The following ATRNL1 variants were observed in gnomAD, a reference collection of about 807,000 sequenced individuals.
The protein encoded by ATRNL1 is attractin-like protein 1.
A neutral mutation model predicts 182.7 loss-of-function variants in ATRNL1; 95 were observed. That is an observed-to-expected ratio of 0.52 (90% CI 0.44 to 0.62). The LOEUF is 0.62. Ranked by LOEUF, ATRNL1 falls within the 20% of genes least tolerant of loss-of-function variation. The pLI is 0.00. For missense variants in ATRNL1, 1,471 were observed against 1,679.5 expected, an observed-to-expected ratio of 0.88 and a Z score of 2.17; for synonymous variants, 576 against 568.3, an observed-to-expected ratio of 1.01 and a Z score of -0.19.
intron 27 of ATRNL1, among the ~76,000 whole-genome samples, chr10:115,797,624 C>T (rs1027317427): frequency 2.0e-5 from 3 of 152,006 alleles, no homozygotes; most frequent in Non-Finnish European, 4.4e-5. Context: ...TATGTGTGCA[C>T]GTGTGTGTAG....
chr10:115,156,292 G>A (rs150299841), intron 5 of ATRNL1, among the ~76,000 whole-genome samples: 19 of 152,244 alleles, frequency 1.2e-4, no homozygotes, highest in African/African-American at 4.3e-4. Flanking sequence ...ACTTAAGAAT[G>A]GCACCAAAGT....
chr10:115,270,150 C>T (rs1344050676), intron 13 of ATRNL1, among the ~76,000 whole-genome samples: 2 of 149,748 alleles, frequency 1.3e-5, no homozygotes, highest in African/African-American at 2.4e-5. Flanking sequence ...TAAAATAAGA[C>T]ATGGGAATCA....
rs573076350 is a variant in ATRNL1, at chr10:115,309,173, A to G, written c.2819-6345A>G. On this transcript the variant is annotated intron_variant, in intron 17 of 28. Transcript: ENST00000355044. ...CAAATACTATGATGTTTTGATTACTATAGTCTTATAGTATAATTTGAAGTT... is the reference window on the plus strand; with the variant it reads ...CAAATACTATGATGTTTTGATTACTGTAGTCTTATAGTATAATTTGAAGTT... Among the ~76,000 whole-genome samples the G allele has an allele frequency of 5.3e-5, 8 of 152,150 alleles. No individual in the cohort carries two copies. In the South Asian group the frequency reaches 1.0e-3, roughly 20 times the overall value.
chr10:115,174,120 A>T (rs1436305990), intron 8 of ATRNL1, among the ~76,000 whole-genome samples: 1 of 151,428 alleles, frequency 6.6e-6, no homozygotes, highest in Non-Finnish European at 1.5e-5. Context: ...CCCTTTCAGC[A>T]TTTTTGTGGC....
At chr10:115,883,077 C>G (rs1319972338) in intron 28 of ATRNL1, among the ~76,000 whole-genome samples, 1 of 152,176 alleles carries the variant, frequency 6.6e-6, no homozygotes, top group Non-Finnish European at 1.5e-5. Flanking sequence ...ATCCCAAACT[C>G]CTGTTCTCTA....
At chr10:115,407,736 T>TA (rs1377821846) in intron 20 of ATRNL1, among the ~76,000 whole-genome samples, 3 of 152,200 alleles carry the variant, frequency 2.0e-5, no homozygotes, top group African/African-American at 7.2e-5. Context: ...TTCCTTTGTA[T>TA]AAATACCCAG....
intron 27 of ATRNL1, among the ~76,000 whole-genome samples, chr10:115,751,607 G>A (rs1948450886): frequency 6.6e-6 from 1 of 151,896 alleles, no homozygotes; most frequent in South Asian, 2.1e-4. Context: ...AGCCCTATTT[G>A]TAATAGCAAA....
At chr10:115,838,524 G>A (rs1275149855) in intron 27 of ATRNL1, among the ~76,000 whole-genome samples, 1 of 152,114 alleles carries the variant, frequency 6.6e-6, no homozygotes, top group Non-Finnish European at 1.5e-5. Context: ...GTTTTAGGTT[G>A]CATTTATGTA....
chr10:115,918,178 G>A (rs914232995), intron 28 of ATRNL1, among the ~76,000 whole-genome samples: 11 of 136,398 alleles, frequency 8.1e-5, no homozygotes, highest in Admixed American at 1.6e-4. Context: ...TCAGCTCACC[G>A]CAACCTCCGC....
chr10:115,506,617 C>G (rs573571965), intron 24 of ATRNL1, among the ~76,000 whole-genome samples: 2 of 152,030 alleles, frequency 1.3e-5, no homozygotes, highest in Non-Finnish European at 2.9e-5. Flanking sequence ...ATCATGGAAA[C>G]AGAAAATCTT....
intron 27 of ATRNL1, among the ~76,000 whole-genome samples, chr10:115,744,756 C>T (rs1948241331): frequency 6.6e-6 from 1 of 151,976 alleles, no homozygotes; most frequent in South Asian, 2.1e-4. Context: ...AGTTTTCATC[C>T]AGCACTGAAC....
intron 19 of ATRNL1, among the ~76,000 whole-genome samples, chr10:115,340,286 G>T (rs1855679035): frequency 6.6e-6 from 1 of 152,168 alleles, no homozygotes; most frequent in Admixed American, 6.5e-5. Flanking sequence ...GGGACTGCAG[G>T]TATGTGCCAA....
intron 17 of ATRNL1, among the ~76,000 whole-genome samples, chr10:115,308,891 T>A (rs1166596958): frequency 6.6e-6 from 1 of 152,210 alleles, no homozygotes; most frequent in Non-Finnish European, 1.5e-5. Flanking sequence ...GTTTCAGGTG[T>A]TAGATTTAAA....
chr10:115,591,613 G>A (rs1241189910), intron 26 of ATRNL1, among the ~76,000 whole-genome samples: 3 of 152,206 alleles, frequency 2.0e-5, no homozygotes, highest in Non-Finnish European at 4.4e-5. Flanking sequence ...TGACCATGCA[G>A]AAACATGAAA....
At chr10:115,135,608 G>T (rs1411962201) in intron 5 of ATRNL1, among the ~76,000 whole-genome samples, 2 of 152,138 alleles carry the variant, frequency 1.3e-5, no homozygotes, top group African/African-American at 4.8e-5. Context: ...TGGCCATACT[G>T]CCCAAGGTAA....
intron 20 of ATRNL1, among the ~76,000 whole-genome samples, chr10:115,411,905 T>A (rs1845159695): frequency 6.6e-6 from 1 of 152,092 alleles, no homozygotes; most frequent in Admixed American, 6.6e-5. Flanking sequence ...ATAACAAAAA[T>A]TTTATGTTGG....
chr10:115,884,607 T>A (rs1266765941), intron 28 of ATRNL1, among the ~76,000 whole-genome samples: 2 of 152,216 alleles, frequency 1.3e-5, no homozygotes, highest in Non-Finnish European at 2.9e-5. Context: ...GTACTGCAGC[T>A]GCTGAAGCAA....
intron 24 of ATRNL1, among the ~76,000 whole-genome samples, chr10:115,507,409 A>G (rs1253912955): frequency 6.6e-6 from 1 of 152,064 alleles, no homozygotes; most frequent in East Asian, 1.9e-4. Context: ...TACTAGGAAT[A>G]TAATAATCAA....
At position 115,923,240 on chromosome 10, in the gene ATRNL1, G is replaced by A. The variant is rs147689285; in HGVS notation, c.4019-21418G>A. On this transcript the variant is annotated intron_variant, in intron 28 of 28. Coordinates refer to ENST00000355044, the MANE Select transcript of ATRNL1 (RefSeq NM_207303.4). ...ACATACACATATATACACAAAACATGTATGTATATATGTATGTAGTAGATC... is the reference window on the plus strand; with the variant it reads ...ACATACACATATATACACAAAACATATATGTATATATGTATGTAGTAGATC... 4.0e-3 allele frequency among the ~76,000 whole-genome samples: 612 copies of A among 152,104 alleles called. 5 individuals are homozygous for A. The highest frequency in any genetic ancestry group is 0.014 in the African/African-American group (576 of 41,472).
Sources: allele counts gnomAD v4.1 joint callset (sites outside exome capture counted in the v4.1 genomes callset), GRCh38; gene constraint gnomAD v4.1.1; transcripts MANE v1.5; gene names NCBI Gene and HGNC (gene_info 2026-07-23, HGNC 2026-07-21).